PEX5L: variants seen among roughly 807,000 people sequenced by gnomAD.
The protein encoded by PEX5L is PEX5-related protein.
A neutral mutation model predicts 84.0 loss-of-function variants in PEX5L; 30 were observed. That is an observed-to-expected ratio of 0.36 (90% confidence interval 0.27 to 0.48). PEX5L has a LOEUF of 0.48. Among genes scored for constraint, PEX5L ranks in the 20% least tolerant of loss-of-function variants. The pLI is 0.99. For synonymous variants in PEX5L, 270 were observed against 283.1 expected, an observed-to-expected ratio of 0.95 and a Z score of 0.46; for missense variants, 533 against 754.6, an observed-to-expected ratio of 0.71 and a Z score of 3.44.
chr3:179,912,747 A>T (rs551343770), intron 2 of PEX5L, among the ~76,000 whole-genome samples: 17 of 152,226 alleles, frequency 1.1e-4, no homozygotes, highest in African/African-American at 4.1e-4. Flanking sequence ...GTGCAATAAG[A>T]CAAAAAACCT....
At chr3:179,974,078 C>T in intron 1 of PEX5L, 1 of 985,652 alleles carries the variant, frequency 1.0e-6, no homozygotes, top group Non-Finnish European at 1.2e-6. Context: ...TTGCTTAGCT[C>T]AGCCAGCCCA....
intron 1 of PEX5L, among the ~76,000 whole-genome samples, chr3:180,018,539 T>A (rs557281837): frequency 1.3e-5 from 2 of 152,250 alleles, no homozygotes; most frequent in South Asian, 4.1e-4. Context: ...GAAGTGAAAA[T>A]CATGTTAAAG....
intron 1 of PEX5L, among the ~76,000 whole-genome samples, chr3:180,000,453 G>A (rs1265717732): frequency 5.9e-5 from 9 of 152,102 alleles, no homozygotes; most frequent in Admixed American, 5.9e-4. Context: ...ACTACACATG[G>A]CCCAGACCCT....
chr3:179,900,487 T>A (rs2109014460), intron 2 of PEX5L, among the ~76,000 whole-genome samples: 1 of 152,310 alleles, frequency 6.6e-6, no homozygotes, highest in East Asian at 1.9e-4. Context: ...AGAGATACTT[T>A]TTTACATGTG....
chr3:179,900,698 A>C, intron 2 of PEX5L: 1 of 1,535,800 alleles, frequency 6.5e-7, no homozygotes, highest in South Asian at 1.2e-5. Flanking sequence ...ACTTTTTTGA[A>C]GACAGTGCCA....
chr3:179,922,916 C>A (rs1475088207), intron 2 of PEX5L, among the ~76,000 whole-genome samples: 1 of 152,072 alleles, frequency 6.6e-6, no homozygotes, highest in Non-Finnish European at 1.5e-5. Flanking sequence ...ATATTCATTT[C>A]ATAGAAAATG....
intron 1 of PEX5L, among the ~76,000 whole-genome samples, chr3:180,001,848 A>G (rs750369142): frequency 6.6e-6 from 1 of 152,190 alleles, no homozygotes; most frequent in Non-Finnish European, 1.5e-5. Context: ...TCCATCCATG[A>G]ATAATCAACA....
chr3:179,979,835 T>C (rs943928361), intron 1 of PEX5L, among the ~76,000 whole-genome samples: 4 of 152,228 alleles, frequency 2.6e-5, no homozygotes, highest in African/African-American at 9.6e-5. Flanking sequence ...TAGATGGGGA[T>C]GAAACCTTGT....
At chr3:179,995,673 T>A (rs1181524909) in intron 1 of PEX5L, among the ~76,000 whole-genome samples, 3 of 152,138 alleles carry the variant, frequency 2.0e-5, no homozygotes, top group Non-Finnish European at 4.4e-5. Context: ...AACTCCCGGC[T>A]TCAGAAGCAA....
chr3:179,824,493 G>A (rs1396174083), intron 8 of PEX5L, among the ~76,000 whole-genome samples: 1 of 152,074 alleles, frequency 6.6e-6, no homozygotes, highest in Non-Finnish European at 1.5e-5. Context: ...ATCACCTGAG[G>A]TCGGGAGTTT....
intron 2 of PEX5L, among the ~76,000 whole-genome samples, chr3:179,939,738 A>C (rs182875672): frequency 6.4e-4 from 97 of 152,316 alleles, no homozygotes; most frequent in African/African-American, 2.2e-3. Flanking sequence ...TAAAGAGGTT[A>C]CAGCTGTGCA....
intron 8 of PEX5L, among the ~76,000 whole-genome samples, chr3:179,854,195 C>A (rs1743029962): frequency 6.6e-6 from 1 of 151,232 alleles, no homozygotes; most frequent in Non-Finnish European, 1.5e-5. Context: ...AGATCCTCAC[C>A]CATATAAGGC....
chr3:180,034,117 T>C (rs1383186983), intron 1 of PEX5L, among the ~76,000 whole-genome samples: 2 of 152,182 alleles, frequency 1.3e-5, no homozygotes, highest in East Asian at 1.9e-4. Flanking sequence ...TATTTTTAAG[T>C]CTTCCTGAGA....
intron 2 of PEX5L, among the ~76,000 whole-genome samples, chr3:179,922,296 A>T (rs1054175708): frequency 3.3e-5 from 5 of 152,170 alleles, no homozygotes; most frequent in African/African-American, 1.2e-4. Context: ...CAAGCATGGT[A>T]AATGCCATTA....
intron 2 of PEX5L, among the ~76,000 whole-genome samples, chr3:179,917,603 T>G (rs745960090): frequency 6.6e-6 from 1 of 152,188 alleles, no homozygotes; most frequent in Non-Finnish European, 1.5e-5. Context: ...TTCAGTTCCA[T>G]TAAAATCTCA....
At chr3:179,952,422 A>C (rs1422617828) in intron 2 of PEX5L, among the ~76,000 whole-genome samples, 1 of 152,158 alleles carries the variant, frequency 6.6e-6, no homozygotes, top group Admixed American at 6.6e-5. Flanking sequence ...TGTGGGAAGA[A>C]GGGAAAGATG....
chr3:179,923,833 T>C (rs1375265458), intron 2 of PEX5L, among the ~76,000 whole-genome samples: 1 of 152,230 alleles, frequency 6.6e-6, no homozygotes, highest in East Asian at 1.9e-4. Context: ...TTAAAAAGTA[T>C]CAGCAGTTAT....
chr3:179,959,738 G>A (rs1341307266), intron 2 of PEX5L, among the ~76,000 whole-genome samples: 1 of 151,898 alleles, frequency 6.6e-6, no homozygotes, highest in Non-Finnish European at 1.5e-5. Flanking sequence ...CTCTCACCCC[G>A]AACACTGAGG....
intron 2 of PEX5L, among the ~76,000 whole-genome samples, chr3:179,938,270 C>T (rs1330753453): frequency 6.6e-6 from 1 of 152,086 alleles, no homozygotes; most frequent in African/African-American, 2.4e-5. Context: ...GGCTGATTAC[C>T]CTTTTTCCCA....
Sources: allele counts gnomAD v4.1 joint callset (sites outside exome capture counted in the v4.1 genomes callset), GRCh38; gene constraint gnomAD v4.1.1; transcripts MANE v1.5; gene names NCBI Gene and HGNC (gene_info 2026-07-23, HGNC 2026-07-21).